Variants in GRIK2 observed in about 807,000 individuals in gnomAD.
GRIK2 encodes glutamate ionotropic receptor kainate type subunit 2.
A neutral mutation model predicts 100.3 loss-of-function variants in GRIK2; 32 were observed. The ratio of observed to expected loss-of-function variants is 0.32; its 90% CI spans 0.24 to 0.43. The LOEUF is 0.43. Ranked by LOEUF, GRIK2 falls within the 20% of genes least tolerant of loss-of-function variation. GRIK2 has a pLI of 1.00. For missense variants in GRIK2, 843 were observed against 1,114.9 expected, an observed-to-expected ratio of 0.76 and a Z score of 3.47; for synonymous variants, 417 against 389.4, an observed-to-expected ratio of 1.07 and a Z score of -0.83.
intron 14 of GRIK2, among the ~76,000 whole-genome samples, chr6:101,943,538 C>A (rs1791084892): frequency 6.6e-6 from 1 of 152,170 alleles, no homozygotes; most frequent in South Asian, 2.1e-4. Flanking sequence ...CCCTAAAGAG[C>A]CACAGAAGCA....
At chr6:101,676,526 A>C (rs1029883916) in intron 4 of GRIK2, 97 bp from the exon 5 acceptor site, 1 of 690,988 alleles carries the variant, frequency 1.4e-6, no homozygotes, top group Admixed American at 3.5e-5. Flanking sequence ...ATGAAATAAG[A>C]AGAAAATTAT....
At chr6:101,811,803 C>T (rs1333801640) in intron 9 of GRIK2, among the ~76,000 whole-genome samples, 1 of 151,124 alleles carries the variant, frequency 6.6e-6, no homozygotes, top group Admixed American at 6.6e-5. Context: ...AGTTACAAAA[C>T]AAAATTTGTA....
At chr6:101,777,683 G>C (rs1778836456) in intron 7 of GRIK2, among the ~76,000 whole-genome samples, 2 of 152,080 alleles carry the variant, frequency 1.3e-5, no homozygotes, top group Admixed American at 1.3e-4. Context: ...AGACCATGCA[G>C]CTCTTTCTGC....
At chr6:101,442,594 C>A (rs1770136480) in intron 2 of GRIK2, among the ~76,000 whole-genome samples, 1 of 152,114 alleles carries the variant, frequency 6.6e-6, no homozygotes, top group African/African-American at 2.4e-5. Context: ...GTATAAAACA[C>A]AAAGAGTGAT....
At chr6:101,965,542 A>T (rs567216872) in intron 14 of GRIK2, among the ~76,000 whole-genome samples, 1 of 152,318 alleles carries the variant, frequency 6.6e-6, no homozygotes, top group Non-Finnish European at 1.5e-5. Flanking sequence ...CTTAATAAAA[A>T]AAGTAATGTT....
chr6:101,983,605 T>A lies in GRIK2; in HGVS notation c.2086-51736T>A, dbSNP rs533874975. 7.2e-5 allele frequency among the ~76,000 whole-genome samples: 11 copies of A among 151,908 alleles called. No individual in the cohort carries two copies. The East Asian group carries it at 1.9e-3, about 27-fold the overall frequency. On this transcript the variant is annotated intron_variant, in intron 14 of 16. Transcript: ENST00000369134. ...ATTATTATCTGGGATAGAAAATATA[T>A]AACTCAATGATAAAAATATATTTTA...
intron 10 of GRIK2, among the ~76,000 whole-genome samples, chr6:101,852,422 T>C (rs1056742452): frequency 6.6e-6 from 1 of 152,104 alleles, no homozygotes; most frequent in African/African-American, 2.4e-5. Flanking sequence ...CCGAGCCTCA[T>C]AGTGGAACTT....
intron 5 of GRIK2, among the ~76,000 whole-genome samples, chr6:101,681,522 A>C (rs1273522371): frequency 6.6e-6 from 1 of 151,522 alleles, no homozygotes; most frequent in South Asian, 2.1e-4. Flanking sequence ...GGTGTGAGAC[A>C]CTGCACCCAG....
At chr6:101,888,702 C>T (rs1452147208) in intron 11 of GRIK2, among the ~76,000 whole-genome samples, 4 of 152,032 alleles carry the variant, frequency 2.6e-5, no homozygotes, top group Admixed American at 2.6e-4. Context: ...TTGCCTGAGA[C>T]AAGAAAACAT....
chr6:101,465,089 ATT>A (rs1013205005), intron 2 of GRIK2, among the ~76,000 whole-genome samples: 3 of 151,850 alleles, frequency 2.0e-5, no homozygotes, highest in African/African-American at 7.3e-5. Context: ...TCCTTGGATA[ATT>A]TTTTTTGCCT....
intron 7 of GRIK2, among the ~76,000 whole-genome samples, chr6:101,786,039 T>C (rs765775219): frequency 9.9e-5 from 15 of 152,086 alleles, no homozygotes; most frequent in Non-Finnish European, 1.6e-4. Context: ...ATCTCCTTAG[T>C]TAAATTTATT....
intron 7 of GRIK2, among the ~76,000 whole-genome samples, chr6:101,716,257 GATAATAA>G (rs1460346905): frequency 6.6e-6 from 1 of 151,588 alleles, no homozygotes; most frequent in Non-Finnish European, 1.5e-5. Context: ...GAGGGCCTGT[GATAATAA>G]ATAATAAATA....
intron 4 of GRIK2, among the ~76,000 whole-genome samples, chr6:101,676,015 G>T (rs1770808839): frequency 1.3e-5 from 2 of 152,122 alleles, no homozygotes; most frequent in Non-Finnish European, 2.9e-5. Context: ...ACATAAATTA[G>T]GTGCGTGATA....
intron 14 of GRIK2, among the ~76,000 whole-genome samples, chr6:102,003,642 GTT>G (rs759139533): frequency 6.6e-6 from 1 of 151,654 alleles, no homozygotes; most frequent in Non-Finnish European, 1.5e-5. Flanking sequence ...GACAAAGGCT[GTT>G]TTATTTTGTC....
intron 12 of GRIK2, among the ~76,000 whole-genome samples, chr6:101,900,324 C>T (rs1207132815): frequency 1.3e-5 from 2 of 151,960 alleles, no homozygotes; most frequent in Admixed American, 1.3e-4. Context: ...ATTAGCCGGG[C>T]GTGGTGGCAC....
At chr6:101,531,414 A>C (rs1775437193) in intron 2 of GRIK2, among the ~76,000 whole-genome samples, 1 of 152,018 alleles carries the variant, frequency 6.6e-6, no homozygotes, top group Non-Finnish European at 1.5e-5. Flanking sequence ...TGTTTAAATG[A>C]ATAAATGAAA....
At chr6:101,578,104 C>A (rs1165273380) in intron 2 of GRIK2, among the ~76,000 whole-genome samples, 1 of 152,140 alleles carries the variant, frequency 6.6e-6, no homozygotes, top group Non-Finnish European at 1.5e-5. Flanking sequence ...CATCTGTACC[C>A]TAGAAGCCAT....
intron 2 of GRIK2, among the ~76,000 whole-genome samples, chr6:101,561,957 T>C (rs915995475): frequency 6.6e-6 from 1 of 152,148 alleles, no homozygotes; most frequent in African/African-American, 2.4e-5. Flanking sequence ...GTGGGGGTCA[T>C]CCTTATAAAA....
intron 4 of GRIK2, among the ~76,000 whole-genome samples, chr6:101,638,774 A>G (rs2128323487): frequency 6.6e-6 from 1 of 152,164 alleles, no homozygotes; most frequent in East Asian, 1.9e-4. Context: ...TTTCTTTTAA[A>G]ATAGCTTTGT....
Sources: allele counts gnomAD v4.1 joint callset (sites outside exome capture counted in the v4.1 genomes callset), GRCh38; gene constraint gnomAD v4.1.1; transcripts MANE v1.5; gene names NCBI Gene and HGNC (gene_info 2026-07-23, HGNC 2026-07-21).